Variants in HGSNAT observed in about 807,000 individuals in gnomAD.
HGSNAT encodes heparan-alpha-glucosaminide N-acetyltransferase.
In HGSNAT, 59 loss-of-function variants were observed where a neutral mutation model predicts 85.2. The ratio of observed to expected loss-of-function variants is 0.69; its 90% confidence interval spans 0.56 to 0.86. The LOEUF (loss-of-function observed/expected upper bound fraction) is 0.86, where lower values mean the gene tolerates loss of function less well. Ranked by LOEUF, HGSNAT falls within the 40% of genes least tolerant of loss-of-function variation. The pLI is 0.00. For missense variants in HGSNAT, 756 were observed against 777.1 expected, an observed-to-expected ratio of 0.97 and a Z score of 0.32; for synonymous variants, 321 against 304.5, an observed-to-expected ratio of 1.05 and a Z score of -0.56.
At chr8:43,167,655 G>T (rs1344146140) in intron 5 of HGSNAT, among the ~76,000 whole-genome samples, 1 of 152,126 alleles carries the variant, frequency 6.6e-6, no homozygotes, top group African/African-American at 2.4e-5. Context: ...TGGCCTTATT[G>T]TGGTGGTCTG....
At chr8:43,194,162 C>A in intron 14 of HGSNAT, 2 of 989,272 alleles carry the variant, frequency 2.0e-6, no homozygotes, top group Non-Finnish European at 2.5e-6. Flanking sequence ...TTTTGGGAAG[C>A]CAAGGCAGGA....
chr8:43,159,014 G>A lies in HGSNAT; in HGVS notation c.463G>A (p.Val155Met). ...TAGTGAAATTGCCTGTGACCTGGCT[G>A]TGAACGAGGATCCAGTTGATAGTAA... ...GVSEIACDLA[V>M]NEDPVDSNLP... The change falls in exon 4 of 18, where the codon GTG becomes ATG. Residue 155 changes from valine (V) to methionine (M), a missense_variant. Val to Met is a conservative substitution (Grantham distance 21). Transcript: ENST00000379644. The A allele has an allele frequency of 6.2e-7, 1 of 1,613,696 alleles. No individual in the cohort carries two copies. The highest frequency in any genetic ancestry group is 8.5e-7 in the Non-Finnish European group (1 of 1,179,718).
chr8:43,190,725 A>G (rs1412521343), intron 11 of HGSNAT, among the ~76,000 whole-genome samples: 2 of 152,104 alleles, frequency 1.3e-5, no homozygotes, highest in African/African-American at 2.4e-5. Context: ...TACTTATTTT[A>G]TTTTTAAATT....
intron 1 of HGSNAT, among the ~76,000 whole-genome samples, chr8:43,141,302 C>A (rs1186505679): frequency 6.6e-6 from 1 of 152,168 alleles, no homozygotes; most frequent in Non-Finnish European, 1.5e-5. Flanking sequence ...GCCGCCGCCG[C>A]CGCCGCCGCC....
Position 43,197,859 on chromosome 8 carries a change from A to G in HGSNAT, c.1633A>G (p.Thr545Ala). 3 of 1,613,898 alleles carry G rather than the reference A, an allele frequency of 1.9e-6. No individual in the cohort carries two copies. The highest frequency in any genetic ancestry group is 1.7e-6 in the Non-Finnish European group (2 of 1,179,834). The change falls in exon 17 of 18, where the codon ACG (threonine) becomes GCG (alanine). Residue 545 changes from threonine to alanine, a missense_variant. Transcript: ENST00000379644. ...KNLWSLSYVT[T>A]LSSFAFFILL... ...TCCCAGGTCCCTTTCGTATGTCACTACGCTCAGTTCTTTTGCCTTCTTCAT... is the reference window on the plus strand; with the variant it reads ...TCCCAGGTCCCTTTCGTATGTCACTGCGCTCAGTTCTTTTGCCTTCTTCAT...
At chr8:43,198,393 T>G (rs1357279830) in intron 17 of HGSNAT, among the ~76,000 whole-genome samples, 6 of 148,528 alleles carry the variant, frequency 4.0e-5, no homozygotes, top group African/African-American at 1.5e-4. Flanking sequence ...GTTCACGCCA[T>G]TCTCCTGCCT....
intron 2 of HGSNAT, among the ~76,000 whole-genome samples, chr8:43,149,835 A>G (rs1318343578): frequency 6.6e-6 from 1 of 152,230 alleles, no homozygotes; most frequent in Non-Finnish European, 1.5e-5. Context: ...TGATGGAAGG[A>G]TATCTTTAAG....
chr8:43,194,605 C>T, intron 14 of HGSNAT: 1 of 799,108 alleles, frequency 1.3e-6, no homozygotes, highest in Non-Finnish European at 1.5e-6. Context: ...TCTGGGCTCT[C>T]CTCCCAAGGT....
rs553588867 is a variant in HGSNAT at position 43,199,454 on chromosome 8, A to G, written c.1793A>G (p.Lys598Arg). ...VFENYFPFQW[K>R]LKDNQSHKEH... The stretch of plus-strand genomic sequence containing the variant: ...GAGAACTACTTCCCCTTTCAGTGGA[A>G]GCTGAAGGACAACCAGTCCCACAAG... Residue 598 changes from lysine to arginine, a missense_variant, in exon 18 of 18, where the codon AAG becomes AGG. Lys to Arg is a conservative substitution (Grantham distance 26). Coordinates refer to ENST00000379644, the MANE Select transcript of HGSNAT (RefSeq NM_152419.3). The G allele has an allele frequency of 4.3e-6, 7 of 1,611,832 alleles. No homozygotes were observed. In the African/African-American group the frequency reaches 9.3e-5, roughly 21 times the overall value.
chr8:43,141,248 C>A (rs1295638257), intron 1 of HGSNAT, among the ~76,000 whole-genome samples: 1 of 152,160 alleles, frequency 6.6e-6, no homozygotes, highest in African/African-American at 2.4e-5. Context: ...GCCCTCCGCG[C>A]GTCTCCCCTC....
chr8:43,148,885 T>A (rs143719686), intron 2 of HGSNAT, among the ~76,000 whole-genome samples: 2 of 149,438 alleles, frequency 1.3e-5, no homozygotes, highest in African/African-American at 4.9e-5. Context: ...TTGGGTGGCC[T>A]AGTGGGCAGA....
chr8:43,197,374 A>G (rs1378488072), intron 15 of HGSNAT: 11 of 534,996 alleles, frequency 2.1e-5, no homozygotes, highest in Non-Finnish European at 3.0e-5. Context: ...AGAGAGTTGC[A>G]AGGTTGACTG....
chr8:43,148,781 G>A (rs1192608154), intron 2 of HGSNAT, among the ~76,000 whole-genome samples: 3 of 145,460 alleles, frequency 2.1e-5, no homozygotes, highest in Non-Finnish European at 3.0e-5. Context: ...CAACAAGAGC[G>A]AAACTCCGTC....
intron 11 of HGSNAT, among the ~76,000 whole-genome samples, chr8:43,185,082 C>T (rs1804261312): frequency 6.6e-6 from 1 of 152,202 alleles, no homozygotes; most frequent in Non-Finnish European, 1.5e-5. Flanking sequence ...ATACCTCCAG[C>T]TTTGTTCTTG....
At chr8:43,191,655 C>A in intron 12 of HGSNAT, 60 bp downstream of exon 12, 1 of 1,579,994 alleles carries the variant, frequency 6.3e-7, no homozygotes, top group South Asian at 1.1e-5. Context: ...GTCAGAGGTT[C>A]TGGGCTTTCA....
At chr8:43,143,479 A>G (rs897897530) in intron 1 of HGSNAT, among the ~76,000 whole-genome samples, 1 of 150,068 alleles carries the variant, frequency 6.7e-6, no homozygotes, top group Non-Finnish European at 1.5e-5. Context: ...AAGCTGCTTG[A>G]CCTCTTCAGG....
At chr8:43,175,582 T>TC (rs1263013825) in intron 9 of HGSNAT, among the ~76,000 whole-genome samples, 2 of 146,274 alleles carry the variant, frequency 1.4e-5, no homozygotes, top group Admixed American at 6.8e-5. Flanking sequence ...TTTTTTTTTT[T>TC]CAAGATGAAG....
chr8:43,170,805 G>A (rs1454527201), intron 7 of HGSNAT, 111 bp downstream of exon 7: 1 of 659,554 alleles, frequency 1.5e-6, no homozygotes, highest in Non-Finnish European at 2.5e-6. Flanking sequence ...TTACTTTCTA[G>A]GCTAGGAAGG....
At chr8:43,155,334 T>C (rs1803058024) in intron 2 of HGSNAT, among the ~76,000 whole-genome samples, 1 of 152,230 alleles carries the variant, frequency 6.6e-6, no homozygotes, top group African/African-American at 2.4e-5. Flanking sequence ...TGATTATTAG[T>C]GATGTGCATT....
Sources: allele counts gnomAD v4.1 joint callset (sites outside exome capture counted in the v4.1 genomes callset), GRCh38; gene constraint gnomAD v4.1.1; transcripts MANE v1.5; gene names NCBI Gene and HGNC (gene_info 2026-07-23, HGNC 2026-07-21).